KIAA1217: variants seen among roughly 807,000 people sequenced by gnomAD.
The protein encoded by KIAA1217 is KIAA1217, also known as sickle tail protein homolog.
In KIAA1217, 88 loss-of-function variants were observed where a neutral mutation model predicts 163.9. That is an observed-to-expected ratio of 0.54 (90% CI 0.45 to 0.64). The LOEUF (loss-of-function observed/expected upper bound fraction) is 0.64. Ranked by LOEUF, KIAA1217 falls within the 30% of genes least tolerant of loss-of-function variation. The pLI is 0.00. For missense variants in KIAA1217, 2,372 were observed against 2,475.0 expected, an observed-to-expected ratio of 0.96 and a Z score of 0.88; for synonymous variants, 903 against 923.1, an observed-to-expected ratio of 0.98 and a Z score of 0.39.
chr10:24,480,533 C>T (rs2064545946), intron 6 of KIAA1217, among the ~76,000 whole-genome samples: 1 of 152,200 alleles, frequency 6.6e-6, no homozygotes, highest in African/African-American at 2.4e-5. Flanking sequence ...TGCTCTGCCT[C>T]CATTTGCTCA....
At chr10:24,273,497 C>T (rs1564383851) in intron 2 of KIAA1217, among the ~76,000 whole-genome samples, 1 of 152,178 alleles carries the variant, frequency 6.6e-6, no homozygotes, top group South Asian at 2.1e-4. Context: ...GAGGGTGTCA[C>T]ATAAGAGGCC....
At chr10:24,105,709 G>A (rs1016227383) in intron 2 of KIAA1217, among the ~76,000 whole-genome samples, 5 of 152,162 alleles carry the variant, frequency 3.3e-5, no homozygotes, top group Non-Finnish European at 5.9e-5. Context: ...AATCTTTATT[G>A]AGTATCTACT....
At chr10:24,080,803 T>G (rs532374206) in intron 2 of KIAA1217, among the ~76,000 whole-genome samples, 23 of 147,520 alleles carry the variant, frequency 1.6e-4, no homozygotes, top group African/African-American at 4.9e-4. Flanking sequence ...TCTTACAATA[T>G]TAATAGTTTA....
At chr10:23,849,195 T>G (rs1046587008) in intron 1 of KIAA1217, among the ~76,000 whole-genome samples, 1 of 152,120 alleles carries the variant, frequency 6.6e-6, no homozygotes, top group Non-Finnish European at 1.5e-5. Context: ...TTTATAACAT[T>G]TTATCAATGG....
intron 1 of KIAA1217, among the ~76,000 whole-genome samples, chr10:23,793,767 A>G (rs1285488645): frequency 6.6e-6 from 1 of 152,174 alleles, no homozygotes; most frequent in African/African-American, 2.4e-5. Context: ...CCTACCACAC[A>G]GGCCAGCCAC....
chr10:24,005,611 G>A (rs1238590357), intron 1 of KIAA1217, among the ~76,000 whole-genome samples: 2 of 152,212 alleles, frequency 1.3e-5, no homozygotes, highest in Non-Finnish European at 2.9e-5. Flanking sequence ...TTATAGTAAT[G>A]TGTGAGATCA....
chr10:24,054,688 T>C (rs553451751), intron 2 of KIAA1217, among the ~76,000 whole-genome samples: 24 of 152,304 alleles, frequency 1.6e-4, no homozygotes, highest in African/African-American at 5.8e-4. Flanking sequence ...TTCATCATTG[T>C]GCAAACATCA....
At chr10:24,285,250 T>A (rs532266846) in intron 2 of KIAA1217, among the ~76,000 whole-genome samples, 51 of 152,334 alleles carry the variant, frequency 3.3e-4, no homozygotes, top group African/African-American at 1.2e-3. Flanking sequence ...ACTTGTCAAT[T>A]TTTGCCTTTG....
At chr10:24,082,838 T>C (rs982609185) in intron 2 of KIAA1217, among the ~76,000 whole-genome samples, 3 of 152,232 alleles carry the variant, frequency 2.0e-5, no homozygotes, top group African/African-American at 7.2e-5. Flanking sequence ...TCCACAATGG[T>C]TGAACTAATT....
chr10:24,258,792 A>T (rs1403598212), intron 2 of KIAA1217, among the ~76,000 whole-genome samples: 2 of 151,860 alleles, frequency 1.3e-5, no homozygotes, highest in Non-Finnish European at 2.9e-5. Context: ...ACGGGGTTTC[A>T]CCGTGTTAGC....
At chr10:23,822,778 G>T (rs1250770683) in intron 1 of KIAA1217, among the ~76,000 whole-genome samples, 1 of 152,168 alleles carries the variant, frequency 6.6e-6, no homozygotes, top group Non-Finnish European at 1.5e-5. Context: ...ACAGAGTTTT[G>T]TAAGAATAAG....
At chr10:23,910,232 G>C (rs1185136160) in intron 1 of KIAA1217, among the ~76,000 whole-genome samples, 1 of 151,874 alleles carries the variant, frequency 6.6e-6, no homozygotes, top group Non-Finnish European at 1.5e-5. Context: ...AACTACCGTG[G>C]CACGTGTATA....
At position 24,089,231 on chromosome 10, in the gene KIAA1217, C is replaced by T. The variant is rs376884973; in HGVS notation, c.-171+81857C>T. 5.6e-5 allele frequency among the ~76,000 whole-genome samples: 7 copies of T among 124,722 alleles called. 2 individuals carry two copies. In the East Asian group the frequency reaches 5.9e-4, roughly 11 times the overall value. 81.8% of individuals were successfully genotyped at this position (124,722 alleles called of 152,430 possible). On this transcript the variant is annotated intron_variant, in intron 2 of 18. Transcript: ENST00000376462. ...GATGAGTAGACTGCAAAAATTTTCT[C>T]CCATTCTGTAAGTTGCCTATTCACT...
At chr10:24,349,888 G>C (rs1220087924) in intron 2 of KIAA1217, among the ~76,000 whole-genome samples, 2 of 152,216 alleles carry the variant, frequency 1.3e-5, no homozygotes, top group Non-Finnish European at 2.9e-5. Context: ...TGAAAAGCTT[G>C]TGTACTCAGA....
chr10:23,818,343 T>TGTAAA (rs1564448591), intron 1 of KIAA1217, among the ~76,000 whole-genome samples: 10 of 107,774 alleles, frequency 9.3e-5, no homozygotes, highest in African/African-American at 3.4e-4. Flanking sequence ...TATATATATA[T>TGTAAA]ATAAAAAAAT....
chr10:23,776,558 A>G (rs1440357805), intron 1 of KIAA1217, among the ~76,000 whole-genome samples: 1 of 151,488 alleles, frequency 6.6e-6, no homozygotes, highest in Non-Finnish European at 1.5e-5. Flanking sequence ...ATAAAATAAT[A>G]TAAATATTAA....
At chr10:23,859,800 T>A (rs980703981) in intron 1 of KIAA1217, among the ~76,000 whole-genome samples, 1 of 152,140 alleles carries the variant, frequency 6.6e-6, no homozygotes, top group Non-Finnish European at 1.5e-5. Context: ...CTCATTAAAG[T>A]GTCACTGTGT....
At chr10:24,077,838 T>C (rs10828597) in intron 2 of KIAA1217, among the ~76,000 whole-genome samples, 14,726 of 152,264 alleles carry the variant, frequency 0.097, 1,092 homozygotes, top group African/African-American at 0.21. Context: ...TTCTCCACAA[T>C]GTGGCCAGCA....
At position 24,374,877 on chromosome 10, in the gene KIAA1217, C is replaced by T. The variant is rs530264818; in HGVS notation, c.355-5992C>T. 2.2e-4 allele frequency among the ~76,000 whole-genome samples: 33 copies of T among 152,234 alleles called. No individual in the cohort carries two copies. In the South Asian group the frequency reaches 5.2e-3, roughly 24 times the overall value. ...CCCTAGCTCACTGCAGCTTCAACCT[C>T]GGGCTCAAGCCATCCTCCTGCCTCA... On this transcript the variant is annotated intron_variant, in intron 2 of 20. Coordinates refer to ENST00000376454, the MANE Select transcript of KIAA1217 (RefSeq NM_019590.5).
Sources: gnomAD v4.1 joint callset for allele counts (sites outside exome capture counted in the v4.1 genomes callset) on GRCh38, gnomAD v4.1.1 for gene constraint, MANE v1.5 for transcripts, NCBI Gene and HGNC (gene_info 2026-07-23, HGNC 2026-07-21) for gene names.